Variants in ATF3 observed in about 807,000 individuals in gnomAD.
The protein encoded by ATF3 is cyclic AMP-dependent transcription factor ATF-3.
A neutral mutation model predicts 18.4 loss-of-function variants in ATF3; 10 were observed. The observed-to-expected ratio is 0.54, with a 90% confidence interval of 0.34 to 0.92. The LOEUF (loss-of-function observed/expected upper bound fraction) is 0.92. ATF3 is among the 40% of genes least tolerant of loss of function. The probability of loss-of-function intolerance (pLI) is 0.02; values close to 1 mark genes in which losing one functional copy is unlikely to be tolerated. For missense variants in ATF3, 183 were observed against 222.3 expected (o/e 0.82, Z 1.12); for synonymous variants, 78 against 87.9 (o/e 0.89, Z 0.63).
chr1:212,592,063 C>T (rs1255926230), intron 1 of ATF3, among the ~76,000 whole-genome samples: 1 of 152,134 alleles, frequency 6.6e-6, no homozygotes, highest in Non-Finnish European at 1.5e-5. Flanking sequence ...CATTAAGTAC[C>T]TTCACACTGT....
In ATF3 at chr1:212,620,122, T is replaced by C. The variant is rs764124140; in HGVS notation, c.*567T>C. 3.8e-5 allele frequency: 6 copies of C among 157,580 alleles called. No individual in the cohort carries two copies. Among genetic ancestry groups the C allele is most frequent in the South Asian group, 3.7e-4 (2 of 5,338 alleles). The allele number at this position is 157,580 out of a possible 1,614,324, so 9.8% of individuals were successfully genotyped here. A position where few individuals can be genotyped will look rare whatever the true frequency, so the allele number is the denominator to read the frequency against. On this transcript the variant is annotated 3_prime_UTR_variant, in exon 4 of 4. Coordinates refer to ENST00000341491, the MANE Select transcript of ATF3 (RefSeq NM_001674.4). ...TCACACAACACTGATGTGACTTTTA[T>C]ATGCTTTTTCTCAGATCTGGTTTCT...
At chr1:212,589,802 CTTTT>C (rs35586185) in intron 1 of ATF3, among the ~76,000 whole-genome samples, 3 of 143,240 alleles carry the variant, frequency 2.1e-5, no homozygotes, top group African/African-American at 7.6e-5. Context: ...TCTTGGTCAA[CTTTT>C]TTTTTTTTTT....
chr1:212,619,582 G>A lies in ATF3; in HGVS notation c.*27G>A, dbSNP rs770460666. The stretch of plus-strand genomic sequence containing the variant: ...CAGTCGTGGTATGGGGGCGACTGGG[G>A]AGTCCTCATTGAATCCTCATTTTAT... On this transcript the variant is annotated 3_prime_UTR_variant, in exon 4 of 4. Transcript: ENST00000341491. The surrounding 1 kb of genome is among the most constrained non-coding windows in gnomAD (Gnocchi z 4.4). The A allele has an allele frequency of 2.5e-6, 4 of 1,612,878 alleles. No individual in the cohort carries two copies. Among genetic ancestry groups the A allele is most frequent in the South Asian group, 1.1e-5 (1 of 90,770 alleles).
rs115116354 is a variant in ATF3 at position 212,592,233 on chromosome 1, A to G, written c.-4-22785A>G. ...TTTGACCATTCCAGACACTTCATCT[A>G]AGTGAAATCATACAGCATTTTTAAA... On this transcript the variant is annotated intron_variant, in intron 1 of 3. Coordinates refer to the ATF3 transcript ENST00000366981. Among the ~76,000 whole-genome samples the G allele has an allele frequency of 6.4e-3, 969 of 152,222 alleles. 9 individuals carry two copies. Among genetic ancestry groups the G allele is most frequent in the African/African-American group, 0.022 (898 of 41,530 alleles).
chr1:212,613,001 C>T (rs920705999), intron 1 of ATF3, among the ~76,000 whole-genome samples: 9 of 152,160 alleles, frequency 5.9e-5, no homozygotes, highest in South Asian at 2.1e-4. Flanking sequence ...GAAAATAGGG[C>T]GATTATTACA....
chr1:212,576,553 T>G (rs1490681409), intron 1 of ATF3, among the ~76,000 whole-genome samples: 1 of 151,876 alleles, frequency 6.6e-6, no homozygotes, highest in Non-Finnish European at 1.5e-5. Context: ...CATTTTGCTT[T>G]TACTGATTTT....
At chr1:212,616,421 C>T (rs1440314710) in intron 2 of ATF3, among the ~76,000 whole-genome samples, 1 of 152,076 alleles carries the variant, frequency 6.6e-6, no homozygotes. Context: ...CTCAGTCTTC[C>T]AAATAGCTGG....
intron 1 of ATF3, among the ~76,000 whole-genome samples, chr1:212,571,627 C>T (rs1664482606): frequency 6.6e-6 from 1 of 151,904 alleles, no homozygotes; most frequent in Non-Finnish European, 1.5e-5. Flanking sequence ...TTCTTCTGGT[C>T]TTGAACTCCT....
intron 1 of ATF3, among the ~76,000 whole-genome samples, chr1:212,614,352 C>T (rs1655012250): frequency 6.6e-6 from 1 of 152,282 alleles, no homozygotes; most frequent in African/African-American, 2.4e-5. Flanking sequence ...GAATCCACCT[C>T]CCCATCCCCT....
chr1:212,580,961 G>T (rs554869680), intron 1 of ATF3, among the ~76,000 whole-genome samples: 120 of 151,968 alleles, frequency 7.9e-4, no homozygotes, highest in African/African-American at 2.8e-3. Flanking sequence ...TAGAGACAGG[G>T]TTTCACCACG....
At chr1:212,617,924 T>C (rs1655196901) in intron 2 of ATF3, among the ~76,000 whole-genome samples, 1 of 142,578 alleles carries the variant, frequency 7.0e-6, no homozygotes, top group South Asian at 2.3e-4. Flanking sequence ...ATTTTTGTTG[T>C]TCACTCACGT....
chr1:212,569,454 C>T (rs1664441233), intron 1 of ATF3, among the ~76,000 whole-genome samples: 1 of 152,132 alleles, frequency 6.6e-6, no homozygotes, highest in Non-Finnish European at 1.5e-5. Context: ...AGCCTATTTC[C>T]TCCTTACTAG....
chr1:212,588,027 G>A (rs1373282161), intron 1 of ATF3, among the ~76,000 whole-genome samples: 2 of 151,468 alleles, frequency 1.3e-5, no homozygotes, highest in Non-Finnish European at 1.5e-5. Context: ...GATTATGGGA[G>A]GTGAGTGAGA....
At chr1:212,566,168 A>G (rs746343417) in intron 1 of ATF3, among the ~76,000 whole-genome samples, 6 of 152,130 alleles carry the variant, frequency 3.9e-5, no homozygotes, top group Non-Finnish European at 8.8e-5. Flanking sequence ...CTGCCAAGTA[A>G]AAGCTGTGTG....
intron 1 of ATF3, among the ~76,000 whole-genome samples, chr1:212,600,255 G>T (rs1654443088): frequency 6.6e-6 from 1 of 152,160 alleles, no homozygotes; most frequent in South Asian, 2.1e-4. Context: ...ACATCTGTTT[G>T]TGTCCATCTG....
At chr1:212,617,094 C>T (rs1473890157) in intron 2 of ATF3, among the ~76,000 whole-genome samples, 2 of 152,198 alleles carry the variant, frequency 1.3e-5, no homozygotes, top group Non-Finnish European at 2.9e-5. Flanking sequence ...AGGCCACCTT[C>T]TGTGTCCAGT....
chr1:212,603,774 A>G (rs1250476522), upstream of ATF3, among the ~76,000 whole-genome samples: 1 of 81,860 alleles, frequency 1.2e-5, no homozygotes, highest in Admixed American at 9.3e-5. Flanking sequence ...GTGTGTATAT[A>G]TATGTGTGTG....
chr1:212,618,276 G>C lies in ATF3; in HGVS notation c.348+42G>C, dbSNP rs756717870. On this transcript the variant is annotated intron_variant, in intron 3 of 3. Transcript: ENST00000341491. This position sits in a 1 kb window ranked among gnomAD's most constrained non-coding sequence, Gnocchi z 4.4. ...CTTACCCTTCCTCTCGCTCACGCCT[G>C]TCTTCACCAGCTTCATGTGGCTATC... is the stretch of plus-strand genomic sequence containing the variant. 91 of 1,582,504 alleles carry C rather than the reference G, an allele frequency of 5.8e-5. No homozygotes were observed. Among genetic ancestry groups the C allele is most frequent in the Non-Finnish European group, 7.8e-5 (90 of 1,151,466 alleles).
At chr1:212,605,410 C>A (rs1460124292), upstream of ATF3, among the ~76,000 whole-genome samples, 1 of 152,194 alleles carries the variant, frequency 6.6e-6, no homozygotes, top group Non-Finnish European at 1.5e-5. Context: ...AGAAAATGGA[C>A]TCCACTCCCG....
Sources: gnomAD v4.1 joint callset for allele counts (sites outside exome capture counted in the v4.1 genomes callset) on GRCh38, gnomAD v4.1.1 for gene constraint, Gnocchi (gnomAD v3.1) non-coding constraint, MANE v1.5 for transcripts, NCBI Gene and HGNC (gene_info 2026-07-23, HGNC 2026-07-21) for gene names.